ROBO2: variants seen among roughly 807,000 people sequenced by gnomAD.
ROBO2 encodes the protein roundabout homolog 2.
In ROBO2, 53 loss-of-function variants were observed where a neutral mutation model predicts 160.8. The observed-to-expected ratio is 0.33, with a 90% CI of 0.26 to 0.41. The LOEUF is 0.41. ROBO2 is among the 10% of genes least tolerant of loss of function. The probability of loss-of-function intolerance (pLI) is 1.00; values close to 1 mark genes in which losing one functional copy is unlikely to be tolerated. For synonymous variants in ROBO2, 664 were observed against 611.7 expected, an observed-to-expected ratio of 1.09 and a Z score of -1.26; for missense variants, 1,577 against 1,722.4, an observed-to-expected ratio of 0.92 and a Z score of 1.49.
chr3:77,133,263 T>G (rs2076006429), intron 2 of ROBO2, among the ~76,000 whole-genome samples: 1 of 152,154 alleles, frequency 6.6e-6, no homozygotes, highest in African/African-American at 2.4e-5. Context: ...GGTAATATTT[T>G]GAGAGGGTAG....
At chr3:76,443,412 C>A (rs895879672) in intron 2 of ROBO2, among the ~76,000 whole-genome samples, 1 of 152,036 alleles carries the variant, frequency 6.6e-6, no homozygotes, top group African/African-American at 2.4e-5. Flanking sequence ...GAGAGTCTTG[C>A]GATGTATCCC....
intron 2 of ROBO2, among the ~76,000 whole-genome samples, chr3:76,427,504 CA>C (rs1045867000): frequency 6.6e-6 from 1 of 151,720 alleles, no homozygotes; most frequent in South Asian, 2.1e-4. Context: ...CCTGTGGCTG[CA>C]AAAAAATGTA....
intron 2 of ROBO2, among the ~76,000 whole-genome samples, chr3:76,197,459 T>C (rs1332044204): frequency 1.3e-5 from 2 of 152,116 alleles, no homozygotes; most frequent in Admixed American, 6.6e-5. Context: ...GATAATCCAC[T>C]GAGTTAACCA....
intron 2 of ROBO2, chr3:76,310,960 T>G (rs564817428): frequency 6.6e-6 from 1 of 152,336 alleles, no homozygotes; most frequent in East Asian, 1.9e-4. Context: ...ATCTTTTCCC[T>G]TTTCTGCTGG....
intron 2 of ROBO2, among the ~76,000 whole-genome samples, chr3:76,572,416 G>A (rs554731563): frequency 2.6e-5 from 4 of 152,054 alleles, no homozygotes; most frequent in African/African-American, 9.6e-5. Context: ...GAAATCATGG[G>A]GTTGGAACTG....
At chr3:76,727,929 A>G (rs1172644073) in intron 2 of ROBO2, among the ~76,000 whole-genome samples, 1 of 152,192 alleles carries the variant, frequency 6.6e-6, no homozygotes, top group Admixed American at 6.5e-5. Flanking sequence ...CAAAGAAATG[A>G]CAAATGCTTG....
chr3:76,606,331 AAACCAG>A (rs1242901869), intron 2 of ROBO2, among the ~76,000 whole-genome samples: 17 of 152,198 alleles, frequency 1.1e-4, no homozygotes, highest in Admixed American at 1.1e-3. Flanking sequence ...CACTACGATC[AAACCAG>A]AACAAAACAC....
In ROBO2 at chr3:76,185,215, T is replaced by TATATATATATATATTATACAC; in HGVS notation, c.109+247614_109+247615insTATATATATATATTATACACA. ...ACACAGATATATATATATATATATA[T>TATATATATATATATTATACAC]ACACACACAAAGATGTTATATATAC... On this transcript the variant is annotated intron_variant, in intron 2 of 26. Transcript: ENST00000487694. Among the ~76,000 whole-genome samples, 11 of 90,312 alleles carry TATATATATATATATTATACAC rather than the reference T, an allele frequency of 1.2e-4. 1 individual carries two copies. Among genetic ancestry groups the TATATATATATATATTATACAC allele is most frequent in the Non-Finnish European group, 2.5e-4 (11 of 43,502 alleles). The allele number at this position is 90,312 out of a possible 152,430, so 59.2% of individuals were successfully genotyped here.
chr3:77,574,510 A>G (rs1255834980), exon 14 of ROBO2: 1 of 1,613,220 alleles, frequency 6.2e-7, no homozygotes, highest in South Asian at 1.1e-5. Flanking sequence ...TTGATCGCCA[A>G]CCCCAGTTTA....
At chr3:77,112,482 G>A (rs1200530065) in intron 2 of ROBO2, among the ~76,000 whole-genome samples, 1 of 152,004 alleles carries the variant, frequency 6.6e-6, no homozygotes, top group Non-Finnish European at 1.5e-5. Context: ...GATGTGGGCT[G>A]ATGCGCCCGC....
intron 2 of ROBO2, among the ~76,000 whole-genome samples, chr3:76,244,638 G>A (rs1705506003): frequency 6.6e-6 from 1 of 152,130 alleles, no homozygotes; most frequent in Non-Finnish European, 1.5e-5. Flanking sequence ...AATTAATTCA[G>A]AGAAGCAGAA....
chr3:77,298,589 TA>T (rs386662681), intron 2 of ROBO2, among the ~76,000 whole-genome samples: 1,643 of 152,280 alleles, frequency 0.011, 21 homozygotes, highest in African/African-American at 0.03. Flanking sequence ...AAACCACCAT[TA>T]AGGGTTATTT....
In ROBO2 at chr3:77,507,652, T is replaced by C. The variant is rs144572086; in HGVS notation, c.806+14270T>C. On this transcript the variant is annotated intron_variant, in intron 5 of 25. Coordinates refer to ENST00000461745, the Ensembl canonical transcript of ROBO2. ...ATATCTACTTTTCCAAATCTAATAA[T>C]GCAATTTCTAGTCCTATTGTAAAAC... Among the ~76,000 whole-genome samples, 320 of 152,292 alleles carry C rather than the reference T, an allele frequency of 2.1e-3. 2 individuals are homozygous for C. Among genetic ancestry groups the C allele is most frequent in the Non-Finnish European group, 3.6e-3 (244 of 68,012 alleles).
At chr3:76,686,106 C>T (rs1201744538) in intron 2 of ROBO2, among the ~76,000 whole-genome samples, 1 of 152,052 alleles carries the variant, frequency 6.6e-6, no homozygotes, top group African/African-American at 2.4e-5. Context: ...AAGGGCCATC[C>T]CTTTGATCTT....
At chr3:77,269,111 T>G (rs552143550) in intron 2 of ROBO2, among the ~76,000 whole-genome samples, 1 of 109,834 alleles carries the variant, frequency 9.1e-6, no homozygotes, top group East Asian at 2.2e-4. Context: ...AAAATAGGTT[T>G]CATAATTTTT....
At chr3:77,299,981 C>T (rs968376349) in intron 2 of ROBO2, among the ~76,000 whole-genome samples, 1 of 151,974 alleles carries the variant, frequency 6.6e-6, no homozygotes, top group African/African-American at 2.4e-5. Context: ...TGTCACTCAT[C>T]ATATTCTCAT....
At chr3:76,411,504 A>G (rs1009996689) in intron 2 of ROBO2, among the ~76,000 whole-genome samples, 13 of 152,168 alleles carry the variant, frequency 8.5e-5, no homozygotes, top group African/African-American at 3.1e-4. Context: ...GATCGCTTCT[A>G]AATTTATTTC....
At chr3:77,055,526 C>T (rs576347548) in intron 1 of ROBO2, among the ~76,000 whole-genome samples, 4 of 152,232 alleles carry the variant, frequency 2.6e-5, no homozygotes, top group Admixed American at 1.3e-4. Flanking sequence ...GATTTTCTAA[C>T]ACGTCATCCT....
intron 2 of ROBO2, among the ~76,000 whole-genome samples, chr3:76,664,623 T>C (rs970689444): frequency 6.6e-6 from 1 of 152,144 alleles, no homozygotes; most frequent in Non-Finnish European, 1.5e-5. Context: ...TTAAGAATTT[T>C]AAAAAGCTAT....
Sources: gnomAD v4.1 joint callset for allele counts (sites outside exome capture counted in the v4.1 genomes callset) on GRCh38, gnomAD v4.1.1 for gene constraint, MANE v1.5 for transcripts, NCBI Gene and HGNC (gene_info 2026-07-23, HGNC 2026-07-21) for gene names.